Variants in MYO5C observed in about 807,000 individuals in gnomAD.
The protein encoded by MYO5C is unconventional myosin-Vc.
MYO5C carries 194 observed loss-of-function variants against 235.7 expected under a neutral mutation model. The ratio of observed to expected loss-of-function variants is 0.82; its 90% CI spans 0.73 to 0.93. The LOEUF is 0.93. Ranked by LOEUF, MYO5C falls within the 40% of genes least tolerant of loss-of-function variation. The probability of loss-of-function intolerance (pLI) is 0.00; values close to 1 mark genes in which losing one functional copy is unlikely to be tolerated. For synonymous variants in MYO5C, 707 were observed against 754.8 expected, an observed-to-expected ratio of 0.94 and a Z score of 1.04; for missense variants, 2,038 against 2,127.2, an observed-to-expected ratio of 0.96 and a Z score of 0.82.
intron 38 of MYO5C, among the ~76,000 whole-genome samples, chr15:52,201,720 G>C (rs1329290576): frequency 6.6e-6 from 1 of 152,052 alleles, no homozygotes; most frequent in Non-Finnish European, 1.5e-5. Flanking sequence ...GTATGGTACA[G>C]TTTTTGATGT....
At chr15:52,195,299 TATA>T (rs2035020835) in intron 40 of MYO5C, 75 bp downstream of exon 40, 1 of 981,618 alleles carries the variant, frequency 1.0e-6, no homozygotes, top group Non-Finnish European at 1.5e-6. Flanking sequence ...CCTGGATTTC[TATA>T]ATGTTAATTA....
chr15:52,216,201 AATTATT>A (rs139895969), intron 32 of MYO5C, among the ~76,000 whole-genome samples: 1 of 151,990 alleles, frequency 6.6e-6, no homozygotes, highest in Non-Finnish European at 1.5e-5. Context: ...GATCTCTATT[AATTATT>A]ATTATTATTA....
intron 11 of MYO5C, among the ~76,000 whole-genome samples, chr15:52,255,553 T>C (rs781160865): frequency 3.9e-5 from 6 of 152,138 alleles, no homozygotes; most frequent in African/African-American, 9.7e-5. Flanking sequence ...AAAAAAAATA[T>C]GAGAGTAGTT....
intron 23 of MYO5C, among the ~76,000 whole-genome samples, chr15:52,234,716 C>T (rs1474693023): frequency 6.6e-6 from 1 of 152,210 alleles, no homozygotes; most frequent in African/African-American, 2.4e-5. Context: ...TCCTCGTCAG[C>T]ACCTGCACAG....
chr15:52,223,486 T>C lies in MYO5C; in HGVS notation c.3627+58A>G, dbSNP rs561598494. On this transcript the variant is annotated intron_variant, in intron 29 of 40. Transcript: ENST00000261839. ...GCCAAGAAACTGAATTTGACGCCAC[T>C]GACAAAGAACAACTCTAGTATGATG... 6.7e-6 allele frequency: 10 copies of C among 1,499,616 alleles called. No individual in the cohort carries two copies. In the African/African-American group the frequency reaches 1.3e-4, roughly 19 times the overall value. The allele number at this position is 1,499,616 out of a possible 1,614,324, so 92.9% of individuals were successfully genotyped here.
chr15:52,256,001 T>A (rs933753560), intron 11 of MYO5C, among the ~76,000 whole-genome samples: 4 of 152,330 alleles, frequency 2.6e-5, no homozygotes, highest in East Asian at 1.9e-4. Context: ...GAGAAACTCA[T>A]TCCCATAATC....
At chr15:52,231,315 G>C (rs1440441400) in intron 24 of MYO5C, among the ~76,000 whole-genome samples, 9 of 152,084 alleles carry the variant, frequency 5.9e-5, no homozygotes, top group Non-Finnish European at 1.5e-5. Context: ...CGGGCCTAGA[G>C]AGGGTGAAGA....
rs1472907601 is a variant in MYO5C at position 52,219,813 on chromosome 15, T to TC, written c.3730dup (p.Glu1244GlyfsTer5). 1 of 1,611,578 alleles carries TC rather than the reference T, an allele frequency of 6.2e-7. No homozygotes were observed. Among genetic ancestry groups the TC allele is most frequent in the South Asian group, 1.1e-5 (1 of 90,694 alleles). ...GCGATGTAACTGATTAGACAATTCT[T>TC]CTAGTTTTCCTATAATGAGAAGAAC... On this transcript the variant is annotated frameshift_variant, in exon 31 of 41. Coordinates refer to ENST00000261839, the MANE Select transcript of MYO5C (RefSeq NM_018728.4). LOFTEE classifies it high-confidence loss of function.
In MYO5C at chr15:52,247,478, G is replaced by C. The variant is rs765928784; in HGVS notation, c.1861C>G (p.Arg621Gly). The change falls in exon 15 of 41, where the codon CGG becomes GGG. Residue 621 changes from arginine (R) to glycine (G), a missense_variant. Physicochemically the swap from Arg to Gly is moderately radical, Grantham distance 125. Transcript: ENST00000261839. Reference protein sequence around the residue: ...QVIKPNSKHFRTTVGSKFRSS... With the variant: ...QVIKPNSKHFGTTVGSKFRSS... ...AGTACCTTGCTCCCAACTGTGGTCC[G>C]GAAATGCTTGCTGTTTGGCTTGATG... The C allele has an allele frequency of 1.9e-6, 3 of 1,614,014 alleles. No homozygotes were observed. The Admixed American group carries it at 5.0e-5, about 27-fold the overall frequency.
chr15:52,229,323 A>G lies in MYO5C; in HGVS notation c.3027-10T>C. 7 of 1,608,154 alleles carry G rather than the reference A, an allele frequency of 4.4e-6. No homozygotes were observed. The highest frequency in any genetic ancestry group is 5.1e-6 in the Non-Finnish European group (6 of 1,179,254). The stretch of plus-strand genomic sequence containing the variant: ...ACTTTTTTCAAGAAGCCTACGCAGC[A>G]AAAGAAGAAAATAATTTAGAGCTGA... On this transcript the variant is annotated splice_polypyrimidine_tract_variant and intron_variant, in intron 24 of 40. Coordinates refer to ENST00000261839, the MANE Select transcript of MYO5C (RefSeq NM_018728.4).
chr15:52,218,103 C>T (rs1371382843), intron 32 of MYO5C, among the ~76,000 whole-genome samples: 1 of 152,182 alleles, frequency 6.6e-6, no homozygotes, highest in Admixed American at 6.5e-5. Flanking sequence ...CATAGAAGAA[C>T]ATTTTGACTC....
intron 11 of MYO5C, among the ~76,000 whole-genome samples, chr15:52,253,985 G>A (rs1456708204): frequency 6.7e-6 from 1 of 149,666 alleles, no homozygotes; most frequent in African/African-American, 2.5e-5. Context: ...GGCAGGTGGT[G>A]AGGTGGGGTA....
Position 52,260,941 on chromosome 15 carries a change from A to G in MYO5C, c.1234T>C (p.Phe412Leu), listed in dbSNP as rs375051159. The part of the protein sequence containing the change: ...AKKIYAHLFD[F>L]IVERINQALQ... ...GCTTGGTTAATTCTCTCCACAATGA[A>G]GTCGAACAGGTGAGCATAGATCTTT... Residue 412 changes from phenylalanine (F) to leucine (L), a missense_variant, in exon 10 of 41, where the codon TTC (phenylalanine) becomes CTC (leucine). Physicochemically the swap from Phe to Leu is conservative, Grantham distance 22. Transcript: ENST00000261839. 7.9e-5 allele frequency: 127 copies of G among 1,614,108 alleles called. No individual in the cohort carries two copies. Among genetic ancestry groups the G allele is most frequent in the Non-Finnish European group, 1.0e-4 (122 of 1,180,050 alleles).
rs559171243 is a variant in MYO5C at position 52,192,414 on chromosome 15, TTATAA to T, written c.*1483_*1487del. ...ATTGAAATGAACTAAACTCAATCAC[TTATAA>T]TATAAAAAGACATTATTATGTATTA... On this transcript the variant is annotated 3_prime_UTR_variant, in exon 41 of 41. Transcript: ENST00000261839. The T allele has an allele frequency of 1.3e-5, 2 of 152,208 alleles. No individual in the cohort carries two copies. Among genetic ancestry groups the T allele is most frequent in the Admixed American group, 6.5e-5 (1 of 15,286 alleles). The allele number at this position is 152,208 out of a possible 1,614,324, so 9.4% of individuals were successfully genotyped here.
rs544129229 is a variant in MYO5C, at chr15:52,276,358, A to C, written c.450-640T>G. Among the ~76,000 whole-genome samples, 273 of 152,298 alleles carry C rather than the reference A, an allele frequency of 1.8e-3. 1 individual carries two copies. The highest frequency in any genetic ancestry group is 6.2e-3 in the African/African-American group (256 of 41,558). Reference sequence around the variant, plus strand: ...TGCAAACTTCCAGGGGTCCTCTCCCAGTCGGGTCACACAGGACACATTCAA... The same window carrying C: ...TGCAAACTTCCAGGGGTCCTCTCCCCGTCGGGTCACACAGGACACATTCAA... On this transcript the variant is annotated intron_variant, in intron 4 of 40. Coordinates refer to ENST00000261839, the MANE Select transcript of MYO5C (RefSeq NM_018728.4).
At chr15:52,286,111 G>A (rs567005752) in intron 1 of MYO5C, among the ~76,000 whole-genome samples, 1 of 150,786 alleles carries the variant, frequency 6.6e-6, no homozygotes, top group Non-Finnish European at 1.5e-5. Context: ...GAGCCCCTCC[G>A]CCCGGCAGCC....
Position 52,238,702 on chromosome 15 carries a change from C to T in MYO5C, c.2703+1031G>A, listed in dbSNP as rs189634482. 1.3e-3 allele frequency among the ~76,000 whole-genome samples: 198 copies of T among 152,226 alleles called. 2 individuals are homozygous for T. In the East Asian group the frequency reaches 0.029, roughly 22 times the overall value. ...TGTTGCCCAGGCTGGAGTGCAGTGGCGCGATCTCGGCTCACTGCAAGCTCC... is the reference window on the plus strand; with the variant it reads ...TGTTGCCCAGGCTGGAGTGCAGTGGTGCGATCTCGGCTCACTGCAAGCTCC... On this transcript the variant is annotated intron_variant, in intron 21 of 40. Transcript: ENST00000261839.
chr15:52,219,757 ACTTT>A lies in MYO5C; in HGVS notation c.3783_3785+1del. On this transcript the variant is annotated splice_donor_variant and coding_sequence_variant, in exon 31 of 41. Coordinates refer to ENST00000261839, the MANE Select transcript of MYO5C (RefSeq NM_018728.4). LOFTEE classifies it high-confidence loss of function. ...TTGAGGTACACACATATTTACACTT[ACTTT>A]CTTTGTGTTCCTTCCTCCTCTTGAC... 6.8e-6 allele frequency: 11 copies of A among 1,607,746 alleles called. No homozygotes were observed. The highest frequency in any genetic ancestry group is 9.4e-6 in the Non-Finnish European group (11 of 1,174,914).
At chr15:52,266,212 T>TA (rs2036807336) in intron 8 of MYO5C, among the ~76,000 whole-genome samples, 1 of 12,890 alleles carries the variant, frequency 7.8e-5, no homozygotes, top group Non-Finnish European at 1.9e-3. Context: ...TAAGTAATCA[T>TA]CCTTAGTGAG....
Sources: gnomAD v4.1 joint callset for allele counts (sites outside exome capture counted in the v4.1 genomes callset) on GRCh38, gnomAD v4.1.1 for gene constraint, MANE v1.5 for transcripts, NCBI Gene and HGNC (gene_info 2026-07-23, HGNC 2026-07-21) for gene names.